Variants in UGT2B7 observed in about 807,000 individuals in gnomAD.
UGT2B7 encodes the protein UDP glucuronosyltransferase family 2 member B7, also known as UDP-glucuronosyltransferase 2B7.
UGT2B7 carries 51 observed loss-of-function variants against 51.9 expected under a neutral mutation model. The ratio of observed to expected loss-of-function variants is 0.98; its 90% confidence interval spans 0.78 to 1.24. The LOEUF (loss-of-function observed/expected upper bound fraction) is 1.24. Among genes scored for constraint, UGT2B7 ranks in the 50% most tolerant of loss-of-function variants. The pLI, the probability that UGT2B7 is intolerant of heterozygous loss-of-function variation, is 0.00. For synonymous variants in UGT2B7, 225 were observed against 211.6 expected (o/e 1.06, Z -0.55); for missense variants, 727 against 628.4 (o/e 1.16, Z -1.68).
chr4:69,103,835 A>C (rs1298537048), intron 3 of UGT2B7, among the ~76,000 whole-genome samples: 1 of 152,190 alleles, frequency 6.6e-6, no homozygotes, highest in Non-Finnish European at 1.5e-5. Context: ...CGTGACAACA[A>C]ATGGAGAATA....
intron 1 of UGT2B7, among the ~76,000 whole-genome samples, chr4:69,082,766 G>T (rs1718866916): frequency 6.6e-6 from 1 of 152,116 alleles, no homozygotes; most frequent in Non-Finnish European, 1.5e-5. Flanking sequence ...ACCTAGCTAA[G>T]ATCATTGATG....
At chr4:69,095,159 T>C (rs991642736), upstream of UGT2B7, among the ~76,000 whole-genome samples, 1 of 152,176 alleles carries the variant, frequency 6.6e-6, no homozygotes, top group African/African-American at 2.4e-5. Context: ...GACGTCAGAT[T>C]TGGCAGCAAA....
Position 69,107,184 on chromosome 4 carries a change from A to T in UGT2B7, c.1012A>T (p.Arg338Ter), listed in dbSNP as rs768462467. ...TTCTTTATTGTAACAGGTTCTGTGGAGATTTGATGGGAATAAACCAGATAC... is the reference window on the plus strand; with the variant it reads ...TTCTTTATTGTAACAGGTTCTGTGGTGATTTGATGGGAATAAACCAGATAC... ...LAQIPQKVLWRFDGNKPDTLG... is the reference protein window; with the variant it reads ...LAQIPQKVLW Residue 338 changes from arginine to a stop codon, truncating the protein, a stop_gained, in exon 4 of 6, where the codon AGA (arginine) becomes TGA (stop). Transcript: ENST00000305231. LOFTEE classifies it high-confidence loss of function. 26 of 1,608,392 alleles carry T rather than the reference A, an allele frequency of 1.6e-5. No homozygotes were observed. The South Asian group carries it at 2.9e-4, about 18-fold the overall frequency.
chr4:69,098,637 T>G lies in UGT2B7; in HGVS notation c.819T>G (p.Asn273Lys). 6.2e-7 allele frequency: 1 copy of G among 1,612,614 alleles called. No individual in the cohort carries two copies. The highest frequency in any genetic ancestry group is 8.5e-7 in the Non-Finnish European group (1 of 1,179,052). Residue 273 changes from asparagine (N) to lysine (K), a missense_variant, in exon 2 of 6, where the codon AAT (asparagine) becomes AAG (lysine). Asn to Lys is a moderately conservative substitution (Grantham distance 94). Transcript: ENST00000305231. Reference protein sequence around the residue: ...NFQFPYPLLPNVDFVGGLHCK... With the variant: ...NFQFPYPLLPKVDFVGGLHCK... ...AGTTTCCATATCCACTCTTACCAAA[T>G]GTTGATTTTGTTGGAGGACTCCACT...
At chr4:69,111,011 A>G (rs1346725058) in intron 5 of UGT2B7, among the ~76,000 whole-genome samples, 1 of 152,174 alleles carries the variant, frequency 6.6e-6, no homozygotes, top group Non-Finnish European at 1.5e-5. Context: ...TGTGGCCAGT[A>G]AAAGCCTCTC....
intron 1 of UGT2B7, among the ~76,000 whole-genome samples, chr4:69,086,345 T>C (rs1342052360): frequency 6.6e-6 from 1 of 151,828 alleles, no homozygotes; most frequent in Non-Finnish European, 1.5e-5. Context: ...TGGAAAAAAA[T>C]TGACACCATT....
chr4:69,061,978 T>C (rs1718358917), intron 1 of UGT2B7, among the ~76,000 whole-genome samples: 1 of 152,166 alleles, frequency 6.6e-6, no homozygotes, highest in African/African-American at 2.4e-5. Flanking sequence ...AGAGACATTA[T>C]TCCCAGATTT....
rs1359615066 is a variant in UGT2B7, at chr4:69,112,672, C to A, written c.1526C>A (p.Thr509Lys). The A allele has an allele frequency of 6.2e-7, 1 of 1,613,590 alleles. No homozygotes were observed. Among genetic ancestry groups the A allele is most frequent in the Non-Finnish European group, 8.5e-7 (1 of 1,179,850 alleles). Reference protein sequence around the residue: ...VCVATVIFIVTKCCLFCFWKF... With the variant: ...VCVATVIFIVKKCCLFCFWKF... ...GTGGCAACTGTGATATTTATCGTCA[C>A]AAAATGTTGTCTGTTTTGTTTCTGG... is the stretch of plus-strand genomic sequence containing the variant. Residue 509 changes from threonine to lysine, a missense_variant, in exon 6 of 6, where the codon ACA (threonine) becomes AAA (lysine). Transcript: ENST00000305231.
intron 1 of UGT2B7, among the ~76,000 whole-genome samples, chr4:69,063,100 A>C (rs1718386025): frequency 6.6e-6 from 1 of 151,706 alleles, no homozygotes; most frequent in Non-Finnish European, 1.5e-5. Context: ...CGGGCGGATC[A>C]CGAGGTCAGG....
intron 1 of UGT2B7, among the ~76,000 whole-genome samples, chr4:69,063,062 G>A (rs886113347): frequency 4.0e-5 from 6 of 151,040 alleles, no homozygotes; most frequent in Non-Finnish European, 7.4e-5. Context: ...GCTCACGCCT[G>A]TAATCCCAGC....
At chr4:69,064,715 G>A (rs1253159300) in intron 1 of UGT2B7, among the ~76,000 whole-genome samples, 3 of 152,124 alleles carry the variant, frequency 2.0e-5, no homozygotes, top group African/African-American at 7.2e-5. Context: ...TGGATGTTAA[G>A]TCAGCTGAGT....
At chr4:69,094,874 T>G (rs564309667), upstream of UGT2B7, among the ~76,000 whole-genome samples, 1 of 152,310 alleles carries the variant, frequency 6.6e-6, no homozygotes, top group South Asian at 2.1e-4. Flanking sequence ...ATATTCTAAA[T>G]CTCCTGTTGT....
chr4:69,097,334 G>T (rs1423378109), intron 1 of UGT2B7, 93 bp downstream of exon 1: 3 of 1,427,002 alleles, frequency 2.1e-6, no homozygotes, highest in Non-Finnish European at 2.8e-6. Context: ...AGGGTAGTGG[G>T]GTTTTGGTAA....
chr4:69,079,675 T>C (rs1389181382), intron 1 of UGT2B7, among the ~76,000 whole-genome samples: 1 of 152,136 alleles, frequency 6.6e-6, no homozygotes, highest in Non-Finnish European at 1.5e-5. Context: ...TTTCTAGAAA[T>C]TGGTGACTAT....
chr4:69,102,736 T>C, intron 2 of UGT2B7, 71 bp from the exon 3 acceptor site: 2 of 1,562,146 alleles, frequency 1.3e-6, no homozygotes, highest in South Asian at 2.4e-5. Flanking sequence ...TTTAGTAATT[T>C]GCACCAATTC....
rs752289105 is a variant in UGT2B7 at position 69,096,577 on chromosome 4, C to T, written c.57C>T (p.Ser19=). ...TAATACAACTGAGCTTTTGCTTTAG[C>T]TCTGGGAATTGTGGAAAGGTGCTGG... ...ILLIQLSFCF[S]SGNCGKVLVW... The change falls in exon 1 of 6, where the codon AGC becomes AGT. Residue 19 remains serine, a synonymous_variant. Coordinates refer to ENST00000305231, the MANE Select transcript of UGT2B7 (RefSeq NM_001074.4). 1.1e-5 allele frequency: 17 copies of T among 1,613,748 alleles called. 1 individual carries two copies. The highest frequency in any genetic ancestry group is 3.3e-4 in the Middle Eastern group (2 of 6,078).
intron 1 of UGT2B7, among the ~76,000 whole-genome samples, chr4:69,076,961 AG>A (rs1718720722): frequency 6.6e-6 from 1 of 152,158 alleles, no homozygotes; most frequent in Non-Finnish European, 1.5e-5. Flanking sequence ...ATTTTGTATA[AG>A]GTGTAAGGAA....
At chr4:69,102,119 T>C (rs1411377355) in intron 2 of UGT2B7, among the ~76,000 whole-genome samples, 1 of 152,200 alleles carries the variant, frequency 6.6e-6, no homozygotes, top group Non-Finnish European at 1.5e-5. Context: ...CCTGGACTAA[T>C]TCATAGAAAT....
At chr4:69,053,500 C>G (rs2109856881) in intron 1 of UGT2B7, among the ~76,000 whole-genome samples, 1 of 152,332 alleles carries the variant, frequency 6.6e-6, no homozygotes. Context: ...CCCTAATTGT[C>G]CCCTTTCCAC....
Sources: gnomAD v4.1 joint callset for allele counts (sites outside exome capture counted in the v4.1 genomes callset) on GRCh38, gnomAD v4.1.1 for gene constraint, MANE v1.5 for transcripts, NCBI Gene and HGNC (gene_info 2026-07-23, HGNC 2026-07-21) for gene names.